The following SNX29 variants were observed in gnomAD, a reference collection of about 807,000 sequenced individuals.
The protein encoded by SNX29 is sorting nexin 29.
SNX29 carries 78 observed loss-of-function variants against 102.1 expected under a neutral mutation model. That is an observed-to-expected ratio of 0.76 (90% CI 0.64 to 0.92). The LOEUF is 0.92. Among genes scored for constraint, SNX29 ranks in the 40% least tolerant of loss-of-function variants. The pLI, the probability that SNX29 is intolerant of heterozygous loss-of-function variation, is 0.00. For synonymous variants in SNX29, 580 were observed against 414.5 expected, an observed-to-expected ratio of 1.40 and a Z score of -4.85; for missense variants, 1,280 against 1,061.7, an observed-to-expected ratio of 1.21 and a Z score of -2.86.
chr16:12,559,943 C>T (rs1334112726), intron 20 of SNX29, among the ~76,000 whole-genome samples: 2 of 152,126 alleles, frequency 1.3e-5, no homozygotes, highest in East Asian at 1.9e-4. Context: ...TACATCACTG[C>T]ACTCCAGCCT....
intron 3 of SNX29, among the ~76,000 whole-genome samples, chr16:12,017,948 C>G (rs2056899489): frequency 6.6e-6 from 1 of 152,004 alleles, no homozygotes; most frequent in Admixed American, 6.6e-5. Flanking sequence ...TCTCGTCACC[C>G]AGGCAGGAGT....
intron 19 of SNX29, among the ~76,000 whole-genome samples, chr16:12,485,482 A>G (rs532322147): frequency 6.6e-6 from 1 of 152,318 alleles, no homozygotes; most frequent in East Asian, 1.9e-4. Flanking sequence ...ATGCATTAAA[A>G]TCCTCATTAA....
At chr16:12,499,646 C>T (rs2089009709) in intron 19 of SNX29, among the ~76,000 whole-genome samples, 1 of 152,184 alleles carries the variant, frequency 6.6e-6, no homozygotes, top group Non-Finnish European at 1.5e-5. Context: ...AGAATCTCTA[C>T]AGTGAAACCC....
At chr16:12,561,357 G>C (rs1379414828) in intron 20 of SNX29, among the ~76,000 whole-genome samples, 1 of 152,122 alleles carries the variant, frequency 6.6e-6, no homozygotes, top group Non-Finnish European at 1.5e-5. Context: ...ACAGACTTAT[G>C]AGGGAGCTAG....
intron 15 of SNX29, among the ~76,000 whole-genome samples, chr16:12,298,001 C>G (rs1038762660): frequency 2.0e-5 from 3 of 152,142 alleles, no homozygotes; most frequent in Non-Finnish European, 2.9e-5. Context: ...AAAAGCCTGT[C>G]TCTACTAAAA....
intron 14 of SNX29, among the ~76,000 whole-genome samples, chr16:12,258,999 CAG>C (rs1439822522): frequency 2.0e-5 from 3 of 152,170 alleles, no homozygotes; most frequent in South Asian, 2.1e-4. Flanking sequence ...CATCAGCAGA[CAG>C]AGAGCTGGAT....
chr16:12,434,734 A>G (rs2085460220), intron 18 of SNX29, among the ~76,000 whole-genome samples: 1 of 152,016 alleles, frequency 6.6e-6, no homozygotes, highest in Non-Finnish European at 1.5e-5. Context: ...CTCATCCAGG[A>G]CAGTACAGGT....
In SNX29 at chr16:12,373,200, A is replaced by G. The variant is rs182612270; in HGVS notation, c.1899+16921A>G. On this transcript the variant is annotated intron_variant, in intron 16 of 20. Coordinates refer to ENST00000566228, the MANE Select transcript of SNX29 (RefSeq NM_032167.5). ...CAGACTGGAGTGCAGTGGTGCAGTCATAGCTCGCTGCAGCCTCCGACTTGT... is the reference window on the plus strand; with the variant it reads ...CAGACTGGAGTGCAGTGGTGCAGTCGTAGCTCGCTGCAGCCTCCGACTTGT... Among the ~76,000 whole-genome samples the G allele has an allele frequency of 3.3e-5, 5 of 152,290 alleles. No individual in the cohort carries two copies. The East Asian group carries it at 5.8e-4, about 18-fold the overall frequency.
At chr16:12,023,585 AAAAAGAAAAG>A (rs767839983) in intron 3 of SNX29, among the ~76,000 whole-genome samples, 2,450 of 149,668 alleles carry the variant, frequency 0.016, 63 homozygotes, top group African/African-American at 0.057. Context: ...CTCAAAAAAA[AAAAAGAAAAG>A]AAAAGAAAAG....
chr16:12,313,739 A>G (rs115644593), intron 15 of SNX29, among the ~76,000 whole-genome samples: 192 of 152,300 alleles, frequency 1.3e-3, no homozygotes, highest in African/African-American at 4.4e-3. Flanking sequence ...CCGGGTATGG[A>G]GTCTTAATTG....
intron 13 of SNX29, among the ~76,000 whole-genome samples, chr16:12,183,569 C>T (rs1356756714): frequency 6.6e-6 from 1 of 152,134 alleles, no homozygotes; most frequent in Non-Finnish European, 1.5e-5. Flanking sequence ...TTCTTTTTCC[C>T]TGAACTCTTC....
intron 20 of SNX29, among the ~76,000 whole-genome samples, chr16:12,547,849 G>C (rs771814122): frequency 6.6e-6 from 1 of 152,162 alleles, no homozygotes; most frequent in African/African-American, 2.4e-5. Flanking sequence ...TTCCAAACTG[G>C]AGTTTAGCAA....
chr16:12,392,741 T>C (rs1019175985), intron 16 of SNX29, among the ~76,000 whole-genome samples: 2 of 152,234 alleles, frequency 1.3e-5, no homozygotes, highest in African/African-American at 4.8e-5. Context: ...CTCAGCTGTT[T>C]TTAAAAACCA....
intron 5 of SNX29, among the ~76,000 whole-genome samples, chr16:12,043,780 G>C (rs1302611687): frequency 6.6e-6 from 1 of 152,020 alleles, no homozygotes; most frequent in African/African-American, 2.4e-5. Flanking sequence ...TTGAGACGGA[G>C]CCTCACTCTT....
intron 20 of SNX29, among the ~76,000 whole-genome samples, chr16:12,540,903 C>T (rs530212076): frequency 6.6e-6 from 1 of 152,332 alleles, no homozygotes; most frequent in Admixed American, 6.5e-5. Context: ...GAGGGCTTCT[C>T]TGACAGCCCT....
chr16:11,998,243 G>C (rs373412273), intron 1 of SNX29, among the ~76,000 whole-genome samples: 29 of 152,300 alleles, frequency 1.9e-4, no homozygotes, highest in Middle Eastern at 6.8e-3. Flanking sequence ...ATCCTTTGAA[G>C]TGAATGTGCT....
intron 18 of SNX29, among the ~76,000 whole-genome samples, chr16:12,476,440 A>G (rs1311794520): frequency 3.2e-5 from 3 of 94,232 alleles, no homozygotes; most frequent in East Asian, 3.2e-4. Context: ...ATATATATAT[A>G]TATGATGAGA....
At chr16:12,339,120 C>T (rs1383521314) in intron 15 of SNX29, among the ~76,000 whole-genome samples, 4 of 152,126 alleles carry the variant, frequency 2.6e-5, no homozygotes, top group Non-Finnish European at 5.9e-5. Flanking sequence ...GTAATTCCAG[C>T]ATTTTGGGAG....
intron 1 of SNX29, among the ~76,000 whole-genome samples, chr16:11,995,646 TAA>T (rs533184003): frequency 0.016 from 1,945 of 125,112 alleles, 33 homozygotes; most frequent in African/African-American, 0.052. Flanking sequence ...AAAATACTCT[TAA>T]AAAAAAAAAA....
Sources: gnomAD v4.1 joint callset for allele counts (sites outside exome capture counted in the v4.1 genomes callset) on GRCh38, gnomAD v4.1.1 for gene constraint, MANE v1.5 for transcripts, NCBI Gene and HGNC (gene_info 2026-07-23, HGNC 2026-07-21) for gene names.